The following KCNG3 variants were observed in gnomAD, a reference collection of about 807,000 sequenced individuals.
The protein encoded by KCNG3 is potassium voltage-gated channel modifier subfamily G member 3.
In KCNG3, 15 loss-of-function variants were observed where a neutral mutation model predicts 29.0. The observed-to-expected ratio is 0.52, with a 90% CI of 0.35 to 0.80. KCNG3 has a LOEUF of 0.80. Ranked by LOEUF, KCNG3 falls within the 30% of genes least tolerant of loss-of-function variation. The probability of loss-of-function intolerance (pLI) is 0.01; values close to 1 mark genes in which losing one functional copy is unlikely to be tolerated. For missense variants in KCNG3, 512 were observed against 605.7 expected, an observed-to-expected ratio of 0.85 and a Z score of 1.62; for synonymous variants, 322 against 248.9, an observed-to-expected ratio of 1.29 and a Z score of -2.76.
At chr2:42,492,017 T>C (rs191436058) in intron 1 of KCNG3, among the ~76,000 whole-genome samples, 2 of 152,296 alleles carry the variant, frequency 1.3e-5, no homozygotes, top group Admixed American at 6.5e-5. Flanking sequence ...AACAGGAAAG[T>C]GCTATCACCA....
chr2:42,398,202 GAC>G, the KCNG3 span, among the ~76,000 whole-genome samples: 7 of 151,598 alleles, frequency 4.6e-5, no homozygotes, highest in South Asian at 1.0e-3. Flanking sequence ...CAGCTTGGGT[GAC>G]AGAGCGAGAC....
At chr2:42,490,063 C>A (rs1371348041) in intron 1 of KCNG3, among the ~76,000 whole-genome samples, 1 of 152,196 alleles carries the variant, frequency 6.6e-6, no homozygotes, top group Non-Finnish European at 1.5e-5. Flanking sequence ...AATGGCTAGC[C>A]ACTGCCTGCA....
chr2:42,480,625 A>C (rs1227134889), intron 1 of KCNG3, among the ~76,000 whole-genome samples: 1 of 152,150 alleles, frequency 6.6e-6, no homozygotes, highest in Non-Finnish European at 1.5e-5. Flanking sequence ...CACGAGTCAC[A>C]AAATATTCTT....
chr2:42,427,238 G>C, the KCNG3 span, among the ~76,000 whole-genome samples: 3 of 152,224 alleles, frequency 2.0e-5, no homozygotes, highest in African/African-American at 7.2e-5. Flanking sequence ...TCTTGGTCTT[G>C]CGAGGGATAG....
intron 1 of KCNG3, among the ~76,000 whole-genome samples, chr2:42,449,417 T>A (rs1001684353): frequency 6.6e-6 from 1 of 150,466 alleles, no homozygotes; most frequent in Non-Finnish European, 1.5e-5. Context: ...CAAAGTTGAG[T>A]GGTCATGACA....
At position 42,492,998 on chromosome 2, in the gene KCNG3, C is replaced by T; in HGVS notation, c.504G>A (p.Leu168=). The T allele has an allele frequency of 1.3e-6, 2 of 1,535,134 alleles. No individual in the cohort carries two copies. Among genetic ancestry groups the T allele is most frequent in the Non-Finnish European group, 1.7e-6 (2 of 1,144,616 alleles). ...ACACGCTAGCCAGGATCTGCGCGGCCAGCGACGACGTGGGCTCCTCGAAGG... is the reference window on the plus strand; with the variant it reads ...ACACGCTAGCCAGGATCTGCGCGGCTAGCGACGACGTGGGCTCCTCGAAGG... ...RRTFEEPTSS[L]AAQILASVSV... The change falls in exon 1 of 2, where the codon CTG becomes CTA. Residue 168 remains leucine (L), a synonymous_variant. Transcript: ENST00000306078.
the KCNG3 span, among the ~76,000 whole-genome samples, chr2:42,431,170 C>T: frequency 6.6e-6 from 1 of 151,240 alleles, no homozygotes; most frequent in South Asian, 2.1e-4. Flanking sequence ...CTATAATTTT[C>T]ATTACTAGGA....
At chr2:42,426,054 A>T in the KCNG3 span, among the ~76,000 whole-genome samples, 1 of 152,242 alleles carries the variant, frequency 6.6e-6, no homozygotes, top group Non-Finnish European at 1.5e-5. Context: ...TGCATACAAC[A>T]TACTTATAAC....
chr2:42,493,214 G>T lies in KCNG3; in HGVS notation c.288C>A (p.Asn96Lys). Reference sequence around the variant, plus strand: ...CCTCCAGGCCCCAGTAGATCATCTCGTTGTAGAAGGAGAGCTCGCACATCC... The same window carrying T: ...CCTCCAGGCCCCAGTAGATCATCTCTTTGTAGAAGGAGAGCTCGCACATCC... ...APRMCELSFY[N>K]EMIYWGLEGA... The change falls in exon 1 of 2, where the codon AAC becomes AAA. Residue 96 changes from asparagine to lysine, a missense_variant. By Grantham distance (94) the Asn-to-Lys change is moderately conservative. Around this residue, in one of 5 missense-constraint regions of KCNG3, gnomAD observed 228 missense variants for 200.0 expected, o/e 1.14. Coordinates refer to ENST00000306078, the MANE Select transcript of KCNG3 (RefSeq NM_133329.6). 6.2e-7 allele frequency: 1 copy of T among 1,611,350 alleles called. No individual in the cohort carries two copies. Among genetic ancestry groups the T allele is most frequent in the Non-Finnish European group, 8.5e-7 (1 of 1,179,896 alleles).
chr2:42,491,636 T>C (rs1291440682), intron 1 of KCNG3, among the ~76,000 whole-genome samples: 1 of 152,214 alleles, frequency 6.6e-6, no homozygotes, highest in East Asian at 1.9e-4. Context: ...AGTTTCCTAA[T>C]GAATTTCCTT....
At chr2:42,402,348 T>C in the KCNG3 span, among the ~76,000 whole-genome samples, 1 of 152,222 alleles carries the variant, frequency 6.6e-6, no homozygotes, top group Non-Finnish European at 1.5e-5. Context: ...ATTGGCCTGT[T>C]TTTCTGGAGA....
intron 1 of KCNG3, among the ~76,000 whole-genome samples, chr2:42,471,029 G>A (rs1673271723): frequency 6.6e-6 from 1 of 152,028 alleles, no homozygotes; most frequent in African/African-American, 2.4e-5. Flanking sequence ...GTAAATGCCT[G>A]TAGCACCAGC....
At chr2:42,398,801 G>T in the KCNG3 span, among the ~76,000 whole-genome samples, 2 of 152,116 alleles carry the variant, frequency 1.3e-5, no homozygotes, top group African/African-American at 4.8e-5. Context: ...CTTACAGTAG[G>T]GTCCCAGAGC....
Position 42,450,529 on chromosome 2 carries a change from A to G in KCNG3, c.666-5950T>C, listed in dbSNP as rs148013859. Among the ~76,000 whole-genome samples the G allele has an allele frequency of 8.5e-5, 13 of 152,352 alleles. No homozygotes were observed. In the East Asian group the frequency reaches 2.1e-3, roughly 25 times the overall value. On this transcript the variant is annotated intron_variant, in intron 1 of 1. Coordinates refer to ENST00000306078, the MANE Select transcript of KCNG3 (RefSeq NM_133329.6). ...GGAGGTTACTTCTGTAAAATTAAAC[A>G]GGAAAAAAGAAACTAAAGATACATC...
rs1382941306 is a variant in KCNG3, at chr2:42,468,817, T to C, written c.665+24020A>G. ...AAAATACAAAAAAATTAGCTGGGCT[T>C]GGTGGCAGGCACCTGTAATCTCAAC... On this transcript the variant is annotated intron_variant, in intron 1 of 1. Coordinates refer to ENST00000306078, the MANE Select transcript of KCNG3 (RefSeq NM_133329.6). Among the ~76,000 whole-genome samples, 3 of 151,802 alleles carry C rather than the reference T, an allele frequency of 2.0e-5. No individual in the cohort carries two copies. In the South Asian group the frequency reaches 6.3e-4, roughly 32 times the overall value.
chr2:42,450,185 G>C (rs980464796), intron 1 of KCNG3, among the ~76,000 whole-genome samples: 1 of 152,178 alleles, frequency 6.6e-6, no homozygotes, highest in African/African-American at 2.4e-5. Context: ...AAATCCAAAT[G>C]GTGTGGAATA....
intron 1 of KCNG3, among the ~76,000 whole-genome samples, chr2:42,456,264 G>A (rs1672871752): frequency 6.6e-6 from 1 of 152,126 alleles, no homozygotes; most frequent in Admixed American, 6.6e-5. Flanking sequence ...GCTCACACCT[G>A]TAATCCCAGC....
At chr2:42,436,315 C>T in the KCNG3 span, among the ~76,000 whole-genome samples, 9 of 152,096 alleles carry the variant, frequency 5.9e-5, no homozygotes, top group African/African-American at 1.9e-4. Context: ...GATGGTTATA[C>T]AGCTCTATAA....
rs775242711 is a variant in KCNG3, at chr2:42,493,123, A to G, written c.379T>C (p.Tyr127His). ...DDRMSDTYTFYSADEPGVLGR... is the reference protein window; with the variant it reads ...DDRMSDTYTFHSADEPGVLGR... ...AGCACGCCCGGCTCGTCGGCCGAGT[A>G]GAAGGTGTAGGTGTCGGACATGCGG... is the stretch of plus-strand genomic sequence containing the variant. Residue 127 changes from tyrosine to histidine, a missense_variant, in exon 1 of 2, where the codon TAC becomes CAC. Around this residue, in one of 5 missense-constraint regions of KCNG3, gnomAD observed 228 missense variants for 200.0 expected, o/e 1.14. Transcript: ENST00000306078. 4 of 1,600,756 alleles carry G rather than the reference A, an allele frequency of 2.5e-6. No individual in the cohort carries two copies. The highest frequency in any genetic ancestry group is 3.4e-6 in the Non-Finnish European group (4 of 1,177,442).
Sources: allele counts gnomAD v4.1 joint callset (sites outside exome capture counted in the v4.1 genomes callset), GRCh38; gene constraint gnomAD v4.1.1; regional missense constraint gnomAD v4.1.1; transcripts MANE v1.5; gene names NCBI Gene and HGNC (gene_info 2026-07-23, HGNC 2026-07-21).